SCFD2: variants seen among roughly 807,000 people sequenced by gnomAD.
SCFD2 encodes sec1 family domain-containing protein 2.
Under a neutral mutation model 58.9 loss-of-function variants are expected in SCFD2, and 54 were observed. That is an observed-to-expected ratio of 0.92 (90% CI 0.74 to 1.15). The LOEUF is 1.15. Ranked by LOEUF, SCFD2 falls within the 50% of genes most tolerant of loss-of-function variation. The pLI is 0.00. For missense variants in SCFD2, 805 were observed against 836.6 expected, an observed-to-expected ratio of 0.96 and a Z score of 0.47; for synonymous variants, 321 against 335.9, an observed-to-expected ratio of 0.96 and a Z score of 0.49.
chr4:53,101,958 A>G (rs1236763607), intron 5 of SCFD2, among the ~76,000 whole-genome samples: 1 of 152,214 alleles, frequency 6.6e-6, no homozygotes, highest in Non-Finnish European at 1.5e-5. Context: ...AAGAAAAACA[A>G]TGAAAAGAAA....
intron 7 of SCFD2, among the ~76,000 whole-genome samples, chr4:52,901,101 G>A (rs934599175): frequency 3.3e-5 from 5 of 152,212 alleles, no homozygotes; most frequent in African/African-American, 4.8e-5. Flanking sequence ...CAGGTGAGGC[G>A]ATGCCTCGAC....
At chr4:53,213,816 C>A (rs1241177145) in intron 4 of SCFD2, among the ~76,000 whole-genome samples, 4 of 152,062 alleles carry the variant, frequency 2.6e-5, no homozygotes, top group Non-Finnish European at 2.9e-5. Context: ...TCCCACCACC[C>A]CACGACAGGC....
chr4:53,311,877 G>A (rs921712484), intron 3 of SCFD2, among the ~76,000 whole-genome samples: 1 of 151,986 alleles, frequency 6.6e-6, no homozygotes, highest in Non-Finnish European at 1.5e-5. Context: ...CTCGTGATCC[G>A]CCTGCCTCGG....
At chr4:52,925,259 G>GTATA (rs764577308) in intron 5 of SCFD2, among the ~76,000 whole-genome samples, 3 of 147,442 alleles carry the variant, frequency 2.0e-5, no homozygotes, top group East Asian at 3.9e-4. Context: ...GGCCACATGT[G>GTATA]TATATATATA....
At chr4:53,133,964 C>T (rs959062855) in intron 5 of SCFD2, among the ~76,000 whole-genome samples, 1 of 152,084 alleles carries the variant, frequency 6.6e-6, no homozygotes, top group Non-Finnish European at 1.5e-5. Flanking sequence ...TACCAGAATG[C>T]CAATATCTCT....
At chr4:53,232,013 G>A (rs775696958) in intron 4 of SCFD2, among the ~76,000 whole-genome samples, 2 of 151,732 alleles carry the variant, frequency 1.3e-5, no homozygotes, top group Admixed American at 6.6e-5. Context: ...AAAACTAGTG[G>A]GTATCATATA....
chr4:53,339,368 A>T (rs1343032175), intron 2 of SCFD2, among the ~76,000 whole-genome samples: 1 of 150,448 alleles, frequency 6.6e-6, no homozygotes, highest in African/African-American at 2.4e-5. Flanking sequence ...ATTACATATT[A>T]TATATATGTA....
chr4:53,242,347 A>C (rs1729922487), intron 4 of SCFD2, among the ~76,000 whole-genome samples: 1 of 152,194 alleles, frequency 6.6e-6, no homozygotes, highest in Admixed American at 6.5e-5. Context: ...GTTAGAACAC[A>C]CAAGCTTGGA....
At chr4:53,057,490 G>C (rs1266477890) in intron 5 of SCFD2, among the ~76,000 whole-genome samples, 3 of 152,096 alleles carry the variant, frequency 2.0e-5, no homozygotes, top group African/African-American at 7.2e-5. Context: ...TCATAAGTGG[G>C]ACTTGAACAC....
chr4:53,158,077 G>C (rs1372073587), intron 4 of SCFD2, among the ~76,000 whole-genome samples: 2 of 152,148 alleles, frequency 1.3e-5, no homozygotes, highest in Non-Finnish European at 2.9e-5. Context: ...TAAGGTACAT[G>C]AATGGCCTCA....
At chr4:53,125,558 T>C (rs901419527) in intron 5 of SCFD2, among the ~76,000 whole-genome samples, 1 of 152,264 alleles carries the variant, frequency 6.6e-6, no homozygotes, top group Non-Finnish European at 1.5e-5. Flanking sequence ...CTTCCTGCTG[T>C]TGAGTAGCTA....
chr4:53,239,145 G>A (rs1324076323), intron 4 of SCFD2, among the ~76,000 whole-genome samples: 22 of 151,326 alleles, frequency 1.5e-4, no homozygotes, highest in African/African-American at 4.4e-4. Context: ...GATCACGTGC[G>A]GTTAGGGGCT....
rs185065168 is a variant in SCFD2 at position 52,971,365 on chromosome 4, C to T, written c.1562-50495G>A. The stretch of plus-strand genomic sequence containing the variant: ...AAACCATGGCACGAGAACTACATGA[C>T]GAATGCACAAGCCTCGTAGCTGATT... On this transcript the variant is annotated intron_variant, in intron 5 of 8. Coordinates refer to ENST00000401642, the MANE Select transcript of SCFD2 (RefSeq NM_152540.4). Among the ~76,000 whole-genome samples the T allele has an allele frequency of 1.1e-4, 16 of 152,176 alleles. 1 individual carries two copies. The highest frequency in any genetic ancestry group is 2.0e-4 in the Admixed American group (3 of 15,284).
In SCFD2 at chr4:53,088,636, C is replaced by A. The variant is rs116260106; in HGVS notation, c.1561+56697G>T. On this transcript the variant is annotated intron_variant, in intron 5 of 8. Transcript: ENST00000401642. ...GAAGCATATGGCTTATTTGGTTTCA[C>A]AGTGTCACAGCTAGGGAGCAATTTG... Among the ~76,000 whole-genome samples the A allele has an allele frequency of 4.6e-3, 700 of 152,252 alleles. 2 individuals carry two copies. The highest frequency in any genetic ancestry group is 0.016 in the African/African-American group (672 of 41,552).
chr4:53,006,361 T>C (rs1721970923), intron 5 of SCFD2, among the ~76,000 whole-genome samples: 2 of 152,198 alleles, frequency 1.3e-5, no homozygotes, highest in African/African-American at 2.4e-5. Flanking sequence ...TTTTCTCTCC[T>C]ACAAACTTCA....
intron 4 of SCFD2, among the ~76,000 whole-genome samples, chr4:53,216,366 T>C (rs1189628628): frequency 2.0e-5 from 3 of 152,196 alleles, no homozygotes; most frequent in African/African-American, 7.2e-5. Context: ...CTTCCTGGTT[T>C]AGTCTTGGGA....
At chr4:53,274,121 C>A (rs1731260194) in intron 3 of SCFD2, 120 bp from the exon 4 acceptor site, 3 of 739,410 alleles carry the variant, frequency 4.1e-6, no homozygotes, top group Non-Finnish European at 6.1e-6. Context: ...TGACTGCAAG[C>A]TTTCCTAAGC....
intron 4 of SCFD2, among the ~76,000 whole-genome samples, chr4:53,253,813 A>G (rs990785478): frequency 2.0e-5 from 3 of 150,984 alleles, no homozygotes; most frequent in African/African-American, 7.3e-5. Flanking sequence ...TGAGTGCAGC[A>G]CACCAGCATG....
intron 7 of SCFD2, 80 bp downstream of exon 7, chr4:52,907,377 G>T (rs777574068): frequency 1.1e-5 from 16 of 1,406,806 alleles, no homozygotes; most frequent in Admixed American, 1.7e-5. Context: ...GCTGGCTAGG[G>T]TTAACAGGGT....
Sources: allele counts gnomAD v4.1 joint callset (sites outside exome capture counted in the v4.1 genomes callset), GRCh38; gene constraint gnomAD v4.1.1; transcripts MANE v1.5; gene names NCBI Gene and HGNC (gene_info 2026-07-23, HGNC 2026-07-21).